The following SCFD2 variants were observed in gnomAD, a reference collection of about 807,000 sequenced individuals.
SCFD2 encodes sec1 family domain containing 2.
Under a neutral mutation model 58.9 loss-of-function variants are expected in SCFD2, and 54 were observed. That is an observed-to-expected ratio of 0.92 (90% CI 0.74 to 1.15). SCFD2 has a LOEUF of 1.15. Among genes scored for constraint, SCFD2 ranks in the 50% most tolerant of loss-of-function variants. The pLI is 0.00. For synonymous variants in SCFD2, 321 were observed against 335.9 expected (o/e 0.96, Z 0.49); for missense variants, 805 against 836.6 (o/e 0.96, Z 0.47).
chr4:53,238,143 C>G (rs894751342), intron 4 of SCFD2, among the ~76,000 whole-genome samples: 3 of 137,308 alleles, frequency 2.2e-5, no homozygotes, highest in Non-Finnish European at 3.2e-5. Flanking sequence ...AGAGGTGCCC[C>G]TCACCTCCCA....
chr4:52,933,741 T>C (rs1165879987), intron 5 of SCFD2, among the ~76,000 whole-genome samples: 4 of 152,202 alleles, frequency 2.6e-5, no homozygotes. Flanking sequence ...CTAAAGTAGT[T>C]AGAATTTCTT....
chr4:53,018,830 C>T (rs1433465386), intron 5 of SCFD2, among the ~76,000 whole-genome samples: 2 of 152,146 alleles, frequency 1.3e-5, no homozygotes, highest in Non-Finnish European at 2.9e-5. Flanking sequence ...TGTGTACGCT[C>T]TTGTTCACCT....
At chr4:52,934,056 T>C (rs1720067315) in intron 5 of SCFD2, among the ~76,000 whole-genome samples, 1 of 152,200 alleles carries the variant, frequency 6.6e-6, no homozygotes, top group Non-Finnish European at 1.5e-5. Flanking sequence ...ACTTCTATTG[T>C]TTATAATTTA....
At chr4:53,252,649 T>A (rs1577899832) in intron 4 of SCFD2, among the ~76,000 whole-genome samples, 3 of 152,108 alleles carry the variant, frequency 2.0e-5, no homozygotes, top group East Asian at 3.9e-4. Context: ...ATTCCCTATT[T>A]AATAAATGGT....
intron 5 of SCFD2, among the ~76,000 whole-genome samples, chr4:53,091,769 G>T (rs1373895395): frequency 6.6e-6 from 1 of 152,046 alleles, no homozygotes; most frequent in Non-Finnish European, 1.5e-5. Flanking sequence ...CTGAAAAATA[G>T]GGCTATGGAG....
intron 4 of SCFD2, among the ~76,000 whole-genome samples, chr4:53,196,009 A>G (rs1376912102): frequency 6.6e-6 from 1 of 152,164 alleles, no homozygotes; most frequent in Non-Finnish European, 1.5e-5. Context: ...TTCTATTACA[A>G]TCCTAAAGAC....
intron 5 of SCFD2, among the ~76,000 whole-genome samples, chr4:52,991,225 T>C (rs913796693): frequency 6.6e-6 from 1 of 152,192 alleles, no homozygotes; most frequent in Non-Finnish European, 1.5e-5. Flanking sequence ...ATGCACTAAA[T>C]ATGATACCCT....
chr4:53,067,936 G>A (rs1336685163), intron 5 of SCFD2, among the ~76,000 whole-genome samples: 1 of 152,024 alleles, frequency 6.6e-6, no homozygotes, highest in African/African-American at 2.4e-5. Flanking sequence ...AGGCTAGGAG[G>A]AGCCAGCCAG....
chr4:53,262,686 C>A (rs936898604), intron 4 of SCFD2, among the ~76,000 whole-genome samples: 2 of 152,204 alleles, frequency 1.3e-5, no homozygotes, highest in African/African-American at 2.4e-5. Flanking sequence ...TCTCAAGATT[C>A]TTTCCTTTGT....
chr4:53,241,985 C>T (rs1729908236), intron 4 of SCFD2, among the ~76,000 whole-genome samples: 1 of 152,214 alleles, frequency 6.6e-6, no homozygotes, highest in African/African-American at 2.4e-5. Flanking sequence ...ATGATAACAC[C>T]ATCAGCAGTG....
intron 4 of SCFD2, among the ~76,000 whole-genome samples, chr4:53,246,914 T>A (rs967885415): frequency 7.0e-6 from 1 of 143,704 alleles, no homozygotes. Flanking sequence ...ACATACAGCC[T>A]ACAGAATGGA....
chr4:53,213,979 A>T (rs558707967), intron 4 of SCFD2, among the ~76,000 whole-genome samples: 1 of 152,226 alleles, frequency 6.6e-6, no homozygotes, highest in Admixed American at 6.5e-5. Flanking sequence ...TACAAAGGAC[A>T]TGAACTCATC....
chr4:52,997,177 C>T (rs549548920), intron 5 of SCFD2, among the ~76,000 whole-genome samples: 7 of 152,200 alleles, frequency 4.6e-5, no homozygotes, highest in Non-Finnish European at 8.8e-5. Context: ...GACTGAACCC[C>T]TCTGCGCCCA....
Position 53,365,325 on chromosome 4 carries a change from G to C in SCFD2, c.617C>G (p.Thr206Ser). The C allele has an allele frequency of 6.2e-7, 1 of 1,614,228 alleles. No homozygotes were observed. Among genetic ancestry groups the C allele is most frequent in the Non-Finnish European group, 8.5e-7 (1 of 1,180,046 alleles). ...CAGCAGCAGCTCTGGGGTTAGCGTA[G>C]TGGAGTCCACATCACCCAGGCTTCC... ...KLGSLGDVDS[T>S]TLTPELLLQI... The change falls in exon 1 of 9, where the codon ACT (threonine) becomes AGT (serine). Residue 206 changes from threonine to serine, a missense_variant. Thr to Ser is a moderately conservative substitution (Grantham distance 58, BLOSUM62 1). Around this residue, in one of 3 missense-constraint regions of SCFD2, gnomAD observed 633 missense variants for 646.8 expected, o/e 0.98. Transcript: ENST00000401642. The surrounding 1 kb of genome is among the most constrained non-coding windows in gnomAD (Gnocchi z 4.3).
rs1348851398 is a variant in SCFD2 at position 53,200,923 on chromosome 4, T to A, written c.1312-55341A>T. Among the ~76,000 whole-genome samples the A allele has an allele frequency of 2.6e-5, 4 of 152,032 alleles. No homozygotes were observed. In the East Asian group the frequency reaches 7.7e-4, roughly 29 times the overall value. ...ATAAATCCATTCTAAAAATCAAAAG[T>A]TTAAAAGTTCAGCAAAGTTCAAGTA... On this transcript the variant is annotated intron_variant, in intron 4 of 8. Transcript: ENST00000401642.
chr4:53,244,493 T>C (rs1443643823), intron 4 of SCFD2, among the ~76,000 whole-genome samples: 2 of 151,970 alleles, frequency 1.3e-5, no homozygotes, highest in African/African-American at 2.4e-5. Flanking sequence ...CTCAAAGACT[T>C]TGGGGTAATT....
At chr4:53,179,159 GA>G in intron 4 of SCFD2, among the ~76,000 whole-genome samples, 1 of 152,282 alleles carries the variant, frequency 6.6e-6, no homozygotes, top group Admixed American at 6.5e-5. Context: ...ACACCACAAA[GA>G]TACTCCTCAA....
chr4:53,045,885 T>A (rs1723026530), intron 5 of SCFD2, among the ~76,000 whole-genome samples: 1 of 152,062 alleles, frequency 6.6e-6, no homozygotes, highest in East Asian at 1.9e-4. Context: ...ATAGTTATAA[T>A]CTAACTTCTT....
chr4:52,924,140 C>A (rs1719809297), intron 5 of SCFD2, among the ~76,000 whole-genome samples: 2 of 152,264 alleles, frequency 1.3e-5, no homozygotes, highest in South Asian at 2.1e-4. Context: ...CAGAAAGAGT[C>A]ATCCATTTTC....
Sources: allele counts gnomAD v4.1 joint callset (sites outside exome capture counted in the v4.1 genomes callset), GRCh38; gene constraint gnomAD v4.1.1; regional missense constraint gnomAD v4.1.1; non-coding constraint Gnocchi (gnomAD v3.1); transcripts MANE v1.5; gene names NCBI Gene and HGNC (gene_info 2026-07-23, HGNC 2026-07-21).